The following PALD1 variants were observed in gnomAD, a reference collection of about 807,000 sequenced individuals.
PALD1 encodes the protein phosphatase domain containing paladin 1.
In PALD1, 57 loss-of-function variants were observed where a neutral mutation model predicts 96.0. The ratio of observed to expected loss-of-function variants is 0.59; its 90% CI spans 0.48 to 0.74. PALD1 has a LOEUF of 0.74. Among genes scored for constraint, PALD1 ranks in the 30% least tolerant of loss-of-function variants. The pLI, the probability that PALD1 is intolerant of heterozygous loss-of-function variation, is 0.00. For synonymous variants in PALD1, 464 were observed against 473.6 expected, an observed-to-expected ratio of 0.98 and a Z score of 0.26; for missense variants, 1,063 against 1,143.7, an observed-to-expected ratio of 0.93 and a Z score of 1.02.
rs370608226 is a variant in PALD1 at position 70,525,439 on chromosome 10, CCTT to C, written c.-29-481_-29-479del. Among the ~76,000 whole-genome samples, 28 of 152,068 alleles carry C rather than the reference CCTT, an allele frequency of 1.8e-4. No homozygotes were observed. In the East Asian group the frequency reaches 4.7e-3, roughly 25 times the overall value. ...TTTTATGACATTCGTGGCTATATGT[CCTT>C]CTGCATCCGTTCCCATCCAAAGCCT... On this transcript the variant is annotated intron_variant, in intron 1 of 19. Transcript: ENST00000263563.
intron 1 of PALD1, among the ~76,000 whole-genome samples, chr10:70,521,345 C>G (rs543220784): frequency 2.6e-5 from 4 of 152,018 alleles, no homozygotes; most frequent in African/African-American, 9.7e-5. Flanking sequence ...ACCAGCTGTC[C>G]TCATCTGAAA....
At chr10:70,554,626 ATATT>A (rs1847553996) in intron 18 of PALD1, among the ~76,000 whole-genome samples, 1 of 152,070 alleles carries the variant, frequency 6.6e-6, no homozygotes, top group Non-Finnish European at 1.5e-5. Context: ...GAAAGGGAAA[ATATT>A]TATGACAAAA....
At position 70,538,420 on chromosome 10, in the gene PALD1, T is replaced by C. The variant is rs1220286783; in HGVS notation, c.1452+12T>C. 1 of 1,610,034 alleles carries C rather than the reference T, an allele frequency of 6.2e-7. No individual in the cohort carries two copies. Among genetic ancestry groups the C allele is most frequent in the Admixed American group, 1.7e-5 (1 of 59,842 alleles). ...CCAGGGGCTCCCTAGTGAGTATGAC[T>C]GGCAGTCGGAGAAGTGGGCATGGCT... is the stretch of plus-strand genomic sequence containing the variant. On this transcript the variant is annotated intron_variant, in intron 12 of 19. Transcript: ENST00000263563.
chr10:70,525,883 T>A, intron 1 of PALD1, 40 bp from the exon 2 acceptor site: 1 of 1,548,010 alleles, frequency 6.5e-7, no homozygotes, highest in South Asian at 1.1e-5. Context: ...CTGTGGATTT[T>A]CCCATCCCCT....
intron 18 of PALD1, among the ~76,000 whole-genome samples, chr10:70,556,089 G>A (rs910660985): frequency 1.3e-5 from 2 of 152,094 alleles, no homozygotes; most frequent in African/African-American, 4.8e-5. Flanking sequence ...AGCAGGGCTG[G>A]AGCAATTAGG....
chr10:70,469,943 G>A, the PALD1 span, among the ~76,000 whole-genome samples: 4 of 151,898 alleles, frequency 2.6e-5, no homozygotes, highest in South Asian at 2.1e-4. Flanking sequence ...ACAGGCGCCC[G>A]CCACCGTGCC....
At chr10:70,520,050 G>A (rs1846698259) in intron 1 of PALD1, among the ~76,000 whole-genome samples, 1 of 152,130 alleles carries the variant, frequency 6.6e-6, no homozygotes, top group Admixed American at 6.5e-5. Context: ...AGCCATTTGT[G>A]GAGATTGCTG....
intron 18 of PALD1, among the ~76,000 whole-genome samples, chr10:70,561,620 G>C (rs1564713485): frequency 6.6e-6 from 1 of 152,164 alleles, no homozygotes; most frequent in Non-Finnish European, 1.5e-5. Context: ...GCAGCCATGG[G>C]CCATTCCCGC....
chr10:70,561,181 T>A (rs1407275686), intron 18 of PALD1, among the ~76,000 whole-genome samples: 1 of 152,204 alleles, frequency 6.6e-6, no homozygotes, highest in Non-Finnish European at 1.5e-5. Context: ...CCGTGTCTCT[T>A]GCAACAGGCA....
At chr10:70,534,972 A>G (rs1319236932) in intron 10 of PALD1, 129 bp downstream of exon 10, 3 of 676,394 alleles carry the variant, frequency 4.4e-6, no homozygotes, top group Non-Finnish European at 8.0e-6. Flanking sequence ...TGAGAAGAGC[A>G]GTTTTCAGAG....
the PALD1 span, among the ~76,000 whole-genome samples, chr10:70,462,129 G>T: frequency 1.3e-5 from 2 of 152,154 alleles, no homozygotes; most frequent in Admixed American, 6.5e-5. Flanking sequence ...TCCTACAAGG[G>T]GACTAGGGGC....
chr10:70,475,656 C>T (rs576441289), upstream of PALD1, among the ~76,000 whole-genome samples: 23 of 152,254 alleles, frequency 1.5e-4, no homozygotes, highest in African/African-American at 5.3e-4. Context: ...TGCTTTCCAG[C>T]GAGTCATTTG....
intron 19 of PALD1, among the ~76,000 whole-genome samples, chr10:70,566,167 A>G (rs1365092410): frequency 6.6e-6 from 1 of 152,094 alleles, no homozygotes; most frequent in African/African-American, 2.4e-5. Context: ...CTGAGTGTCC[A>G]GGGGTGCCTC....
intron 17 of PALD1, among the ~76,000 whole-genome samples, chr10:70,543,899 T>G (rs1293971662): frequency 6.6e-6 from 1 of 152,098 alleles, no homozygotes; most frequent in African/African-American, 2.4e-5. Context: ...ACAAGTTTAT[T>G]ACCCTAGGGC....
Position 70,509,896 on chromosome 10 carries a change from T to G in PALD1, c.-29-16027T>G, listed in dbSNP as rs142921723. Among the ~76,000 whole-genome samples, 948 of 152,252 alleles carry G rather than the reference T, an allele frequency of 6.2e-3. 6 individuals carry two copies. The highest frequency in any genetic ancestry group is 0.022 in the African/African-American group (895 of 41,546). On this transcript the variant is annotated intron_variant, in intron 1 of 19. Coordinates refer to ENST00000263563, the MANE Select transcript of PALD1 (RefSeq NM_014431.3). Reference sequence around the variant, plus strand: ...CACAGGGCTTTCAGGAAACATTGATTTTGCACAAAGAATTCAGCCGCTGAA... The same window carrying G: ...CACAGGGCTTTCAGGAAACATTGATGTTGCACAAAGAATTCAGCCGCTGAA...
chr10:70,560,086 A>T (rs1239965033), intron 18 of PALD1, among the ~76,000 whole-genome samples: 1 of 152,152 alleles, frequency 6.6e-6, no homozygotes, highest in East Asian at 1.9e-4. Context: ...AAGCAATTAG[A>T]ATCTGTTAAG....
intron 1 of PALD1, among the ~76,000 whole-genome samples, chr10:70,513,623 C>T (rs1036273953): frequency 2.0e-5 from 3 of 152,194 alleles, no homozygotes; most frequent in East Asian, 3.8e-4. Flanking sequence ...CATCAAGAGG[C>T]ATTACCCCCA....
rs187515690 is a variant in PALD1, at chr10:70,558,971, C to T, written c.2263-5393C>T. On this transcript the variant is annotated intron_variant, in intron 18 of 19. Transcript: ENST00000263563. ...AGCTAAGTTGCATTTTTCTATCAGC[C>T]GAGGGTCTGGTGATAGCTGGGCACT... Among the ~76,000 whole-genome samples, 132 of 152,044 alleles carry T rather than the reference C, an allele frequency of 8.7e-4. 3 individuals carry two copies. The East Asian group carries it at 0.019, about 22-fold the overall frequency.
intron 10 of PALD1, among the ~76,000 whole-genome samples, chr10:70,535,090 G>T (rs1217913125): frequency 6.6e-6 from 1 of 152,222 alleles, no homozygotes; most frequent in Non-Finnish European, 1.5e-5. Context: ...CAGAGGAAGG[G>T]GCTGCTGGCC....
Sources: gnomAD v4.1 joint callset for allele counts (sites outside exome capture counted in the v4.1 genomes callset) on GRCh38, gnomAD v4.1.1 for gene constraint, MANE v1.5 for transcripts, NCBI Gene and HGNC (gene_info 2026-07-23, HGNC 2026-07-21) for gene names.